The following ASCC2 variants were observed in gnomAD, a reference collection of about 807,000 sequenced individuals.
The protein encoded by ASCC2 is ASC-1 complex subunit P100.
ASCC2 carries 42 observed loss-of-function variants against 93.5 expected under a neutral mutation model. That is an observed-to-expected ratio of 0.45 (90% CI 0.35 to 0.58). The LOEUF (loss-of-function observed/expected upper bound fraction) is 0.58. Ranked by LOEUF, ASCC2 falls within the 20% of genes least tolerant of loss-of-function variation. The pLI, the probability that ASCC2 is intolerant of heterozygous loss-of-function variation, is 0.00. For synonymous variants in ASCC2, 364 were observed against 384.2 expected, an observed-to-expected ratio of 0.95 and a Z score of 0.62; for missense variants, 859 against 977.6, an observed-to-expected ratio of 0.88 and a Z score of 1.62.
In ASCC2 at chr22:29,804,766, G is replaced by A. The variant is rs756037310; in HGVS notation, c.1225C>T (p.Arg409Trp). Reference protein sequence around the residue: ...VESAWEGVDRRKATDAKDPSV... With the variant: ...VESAWEGVDRWKATDAKDPSV... ...GGGTCTTTAGCATCTGTGGCTTTCC[G>A]TCTGTCCACCCCTTCCCATGCACTC... Residue 409 changes from arginine to tryptophan, a missense_variant, in exon 13 of 20, where the codon CGG becomes TGG. Coordinates refer to ENST00000307790, the MANE Select transcript of ASCC2 (RefSeq NM_032204.5). 2.2e-5 allele frequency: 36 copies of A among 1,613,930 alleles called. No individual in the cohort carries two copies. Among genetic ancestry groups the A allele is most frequent in the Non-Finnish European group, 2.2e-5 (26 of 1,180,012 alleles).
intron 6 of ASCC2, chr22:29,815,411 T>A (rs2060722703): frequency 6.5e-6 from 1 of 152,698 alleles, no homozygotes; most frequent in South Asian, 2.1e-4. Flanking sequence ...ATAACAAATC[T>A]TTAGAACCCC....
intron 5 of ASCC2, among the ~76,000 whole-genome samples, chr22:29,819,460 C>A (rs1476442017): frequency 1.3e-5 from 2 of 152,142 alleles, no homozygotes; most frequent in Non-Finnish European, 2.9e-5. Context: ...CCACACCCAG[C>A]CTCAACAACC....
chr22:29,796,098 TTGCC>T (rs908860705), intron 15 of ASCC2, among the ~76,000 whole-genome samples: 3 of 151,740 alleles, frequency 2.0e-5, no homozygotes, highest in Admixed American at 6.6e-5. Context: ...GGGCTAGGGT[TTGCC>T]TCCCTTCACA....
rs770635307 is a variant in ASCC2 at position 29,822,442 on chromosome 22, G to A, written c.434C>T (p.Ala145Val). The change falls in exon 5 of 20, where the codon GCG (alanine) becomes GTG (valine). Residue 145 changes from alanine to valine, a missense_variant. By Grantham distance (64) the Ala-to-Val change is moderately conservative (BLOSUM62 0). Coordinates refer to ENST00000307790, the MANE Select transcript of ASCC2 (RefSeq NM_032204.5). The part of the protein sequence containing the change: ...ESKDHFISPS[A>V]FGEILYNNFL... ...GTTATTGTAGAGGATTTCTCCAAACGCAGAAGGGGAAATGAAGTGATCCTA... is the reference window on the plus strand; with the variant it reads ...GTTATTGTAGAGGATTTCTCCAAACACAGAAGGGGAAATGAAGTGATCCTA... The A allele has an allele frequency of 1.9e-5, 31 of 1,613,684 alleles. No individual in the cohort carries two copies. The highest frequency in any genetic ancestry group is 8.3e-5 in the Admixed American group (5 of 59,974).
intron 18 of ASCC2, 145 bp from the exon 19 acceptor site, chr22:29,790,693 G>T: frequency 1.2e-6 from 1 of 805,514 alleles, no homozygotes; most frequent in Non-Finnish European, 2.0e-6. Context: ...CGACGCCCAG[G>T]AATGGAGTGG....
intron 19 of ASCC2, among the ~76,000 whole-genome samples, chr22:29,789,590 G>A (rs924121933): frequency 6.6e-6 from 1 of 152,202 alleles, no homozygotes; most frequent in Non-Finnish European, 1.5e-5. Flanking sequence ...AAGACCAAGT[G>A]CACTCACAGA....
chr22:29,816,181 T>G (rs2060829705), intron 5 of ASCC2, 108 bp from the exon 6 acceptor site: 1 of 922,438 alleles, frequency 1.1e-6, no homozygotes, highest in Admixed American at 2.1e-5. Context: ...TTCTCCCTTT[T>G]CCTAATCCTA....
chr22:29,831,775 CG>C (rs1451494076), intron 2 of ASCC2, among the ~76,000 whole-genome samples: 1 of 152,146 alleles, frequency 6.6e-6, no homozygotes, highest in African/African-American at 2.4e-5. Flanking sequence ...CTAGCTCTGC[CG>C]GGGTGTTTGT....
intron 5 of ASCC2, among the ~76,000 whole-genome samples, chr22:29,819,095 T>C (rs1025138428): frequency 1.3e-5 from 2 of 152,210 alleles, no homozygotes; most frequent in African/African-American, 4.8e-5. Flanking sequence ...TAAGAGCTCA[T>C]GCTTACCAAT....
At chr22:29,821,795 G>A (rs2061581969) in intron 5 of ASCC2, 1 of 327,312 alleles carries the variant, frequency 3.1e-6, no homozygotes, top group Non-Finnish European at 6.0e-6. Flanking sequence ...AGGAGTTCAA[G>A]ACCAGCTGGA....
intron 19 of ASCC2, among the ~76,000 whole-genome samples, chr22:29,790,108 T>A (rs370943137): frequency 2.2e-3 from 330 of 152,316 alleles, no homozygotes; most frequent in African/African-American, 7.7e-3. Context: ...CTGAGCTCTC[T>A]CACATTTACA....
chr22:29,798,666 A>G (rs2058726233), intron 15 of ASCC2, among the ~76,000 whole-genome samples: 2 of 152,124 alleles, frequency 1.3e-5, no homozygotes, highest in African/African-American at 2.4e-5. Flanking sequence ...GCAGCGTCCT[A>G]CCTAATTTCT....
Position 29,825,553 on chromosome 22 carries a change from A to G in ASCC2, c.240+69T>C. 6.2e-7 allele frequency: 1 copy of G among 1,607,352 alleles called. No homozygotes were observed. The highest frequency in any genetic ancestry group is 1.1e-5 in the South Asian group (1 of 90,598). On this transcript the variant is annotated intron_variant, in intron 3 of 19. Transcript: ENST00000307790. This position sits in a 1 kb window ranked among gnomAD's most constrained non-coding sequence, Gnocchi z 4.9. Reference sequence around the variant, plus strand: ...AAAAGCACCTCCTAGGGGAAGAAAAACAACAACAGCAACCAACCAATGGCA... The same window carrying G: ...AAAAGCACCTCCTAGGGGAAGAAAAGCAACAACAGCAACCAACCAATGGCA...
In ASCC2 at chr22:29,792,511, C is replaced by T. The variant is rs1411082481; in HGVS notation, c.1944G>A (p.Leu648=). The T allele has an allele frequency of 4.3e-6, 7 of 1,614,078 alleles. No homozygotes were observed. The highest frequency in any genetic ancestry group is 1.3e-5 in the African/African-American group (1 of 75,054). Reference sequence around the variant, plus strand: ...GCCCTTCTCTAGGCACTTTGGTTCTCAGCACCTGAGGGATGGTGAATGGCC... The same window carrying T: ...GCCCTTCTCTAGGCACTTTGGTTCTTAGCACCTGAGGGATGGTGAATGGCC... ...SRRPFTIPQV[L]RTKVPREGQE... The change falls in exon 18 of 20, where the codon CTG becomes CTA. Residue 648 remains leucine, a synonymous_variant. Coordinates refer to ENST00000307790, the MANE Select transcript of ASCC2 (RefSeq NM_032204.5).
chr22:29,793,653 C>A lies in ASCC2; in HGVS notation c.1712G>T (p.Arg571Leu). ...TGCACGCTTGTCGTTCAGCAAACTC[C>A]GCGTGTTTTCCTCCTTCCTGGTGCT... ...GKSTRKEENT[R>L]SLLNDKRAVA... Residue 571 changes from arginine (R) to leucine (L), a missense_variant, in exon 16 of 20, where the codon CGG (arginine) becomes CTG (leucine). Physicochemically the swap from Arg to Leu is moderately radical, Grantham distance 102. Transcript: ENST00000307790. 1 of 1,579,848 alleles carries A rather than the reference C, an allele frequency of 6.3e-7. No individual in the cohort carries two copies. The highest frequency in any genetic ancestry group is 8.6e-7 in the Non-Finnish European group (1 of 1,163,854).
At chr22:29,820,583 A>G (rs188523205) in intron 5 of ASCC2, among the ~76,000 whole-genome samples, 149 of 152,158 alleles carry the variant, frequency 9.8e-4, no homozygotes, top group African/African-American at 3.3e-3. Flanking sequence ...TTCCTGCTTC[A>G]CTATACTTTA....
intron 2 of ASCC2, among the ~76,000 whole-genome samples, chr22:29,828,076 T>C (rs2148312905): frequency 6.6e-6 from 1 of 152,282 alleles, no homozygotes; most frequent in South Asian, 2.1e-4. Flanking sequence ...AGCTCAAACC[T>C]GGCAGAGGGA....
At chr22:29,830,826 G>A (rs376126485) in intron 2 of ASCC2, among the ~76,000 whole-genome samples, 396 of 152,340 alleles carry the variant, frequency 2.6e-3, no homozygotes, top group Non-Finnish European at 2.8e-3. Context: ...AGAGCCTCCT[G>A]TGCGCCTGGC....
Position 29,825,598 on chromosome 22 carries a change from G to T in ASCC2, c.240+24C>A. 6.2e-7 allele frequency: 1 copy of T among 1,614,116 alleles called. No homozygotes were observed. The highest frequency in any genetic ancestry group is 8.5e-7 in the Non-Finnish European group (1 of 1,179,970). On this transcript the variant is annotated intron_variant, in intron 3 of 19. Transcript: ENST00000307790. The surrounding 1 kb of genome is among the most constrained non-coding windows in gnomAD (Gnocchi z 4.9). ...ATGGCATGTCATGTGCTTTGTCTTAGCGTTAATTTTGATAGAATGTTACCT... is the reference window on the plus strand; with the variant it reads ...ATGGCATGTCATGTGCTTTGTCTTATCGTTAATTTTGATAGAATGTTACCT...
Sources: allele counts gnomAD v4.1 joint callset (sites outside exome capture counted in the v4.1 genomes callset), GRCh38; gene constraint gnomAD v4.1.1; non-coding constraint Gnocchi (gnomAD v3.1); transcripts MANE v1.5; gene names NCBI Gene and HGNC (gene_info 2026-07-23, HGNC 2026-07-21).